The following PTPRE variants were observed in gnomAD, a reference collection of about 807,000 sequenced individuals.
PTPRE encodes protein tyrosine phosphatase receptor type E.
Under a neutral mutation model 102.0 loss-of-function variants are expected in PTPRE, and 51 were observed. That is an observed-to-expected ratio of 0.50 (90% CI 0.40 to 0.63). The LOEUF (loss-of-function observed/expected upper bound fraction) is 0.63, where lower values mean the gene tolerates loss of function less well. Ranked by LOEUF, PTPRE falls within the 30% of genes least tolerant of loss-of-function variation. The probability of loss-of-function intolerance (pLI) is 0.00; values close to 1 mark genes in which losing one functional copy is unlikely to be tolerated. For synonymous variants in PTPRE, 345 were observed against 348.2 expected, an observed-to-expected ratio of 0.99 and a Z score of 0.10; for missense variants, 752 against 915.1, an observed-to-expected ratio of 0.82 and a Z score of 2.30.
In PTPRE at chr10:128,029,738, C is replaced by T. The variant is rs1846569198; in HGVS notation, c.-7-11137C>T. Among the ~76,000 whole-genome samples the T allele has an allele frequency of 2.0e-5, 3 of 152,232 alleles. No individual in the cohort carries two copies. In the South Asian group the frequency reaches 6.2e-4, roughly 31 times the overall value. On this transcript the variant is annotated intron_variant, in intron 2 of 20. Coordinates refer to ENST00000254667, the MANE Select transcript of PTPRE (RefSeq NM_006504.6). ...AGGATGAAGAAAAGACGGCATGTGT[C>T]CAAGTTGAGCTGAGACGGACTGTAA...
At chr10:127,972,676 A>G (rs184934162) in intron 1 of PTPRE, among the ~76,000 whole-genome samples, 1 of 152,350 alleles carries the variant, frequency 6.6e-6, no homozygotes, top group Admixed American at 6.5e-5. Context: ...TGTAGTGGCC[A>G]TTGAAGCACA....
At chr10:127,923,970 A>G (rs1046120498) in intron 1 of PTPRE, among the ~76,000 whole-genome samples, 8 of 152,154 alleles carry the variant, frequency 5.3e-5, no homozygotes, top group Non-Finnish European at 1.0e-4. Context: ...AAGCTGGAAA[A>G]TATCCATGAT....
At chr10:128,005,375 C>G (rs1040002883) in intron 2 of PTPRE, among the ~76,000 whole-genome samples, 4 of 152,208 alleles carry the variant, frequency 2.6e-5, no homozygotes, top group African/African-American at 9.6e-5. Flanking sequence ...GGCCTTAACA[C>G]CCATTCAATC....
chr10:128,020,565 T>G (rs1457007676), intron 2 of PTPRE, among the ~76,000 whole-genome samples: 1 of 152,214 alleles, frequency 6.6e-6, no homozygotes, highest in East Asian at 1.9e-4. Context: ...TGGTTTATAT[T>G]TTTTAAAAAG....
At chr10:128,054,787 G>T (rs1278893637) in intron 6 of PTPRE, among the ~76,000 whole-genome samples, 1 of 152,122 alleles carries the variant, frequency 6.6e-6, no homozygotes, top group Non-Finnish European at 1.5e-5. Flanking sequence ...GGCAGGTCAG[G>T]CTGTGCTCTG....
intron 2 of PTPRE, among the ~76,000 whole-genome samples, chr10:128,002,766 G>A (rs538274866): frequency 1.6e-5 from 2 of 127,270 alleles, no homozygotes; most frequent in South Asian, 5.0e-4. Context: ...GCAGTGGTGC[G>A]ATCACGGCTC....
intron 3 of PTPRE, among the ~76,000 whole-genome samples, chr10:128,044,276 C>T (rs1487309696): frequency 3.9e-5 from 6 of 152,156 alleles, no homozygotes; most frequent in East Asian, 1.9e-4. Context: ...GGACTTGCTC[C>T]GCCTCTAGGG....
chr10:128,027,414 A>G (rs905059997), intron 2 of PTPRE, among the ~76,000 whole-genome samples: 13 of 152,172 alleles, frequency 8.5e-5, no homozygotes, highest in African/African-American at 3.1e-4. Flanking sequence ...ACCCCACAGG[A>G]GGCAAGTCAA....
At chr10:127,987,055 T>C (rs1454470406) in intron 2 of PTPRE, among the ~76,000 whole-genome samples, 1 of 152,228 alleles carries the variant, frequency 6.6e-6, no homozygotes, top group Non-Finnish European at 1.5e-5. Flanking sequence ...AGAATGCCTT[T>C]GGATCTGACA....
At chr10:127,947,810 T>C (rs10734118) in intron 1 of PTPRE, among the ~76,000 whole-genome samples, 152,328 of 152,328 alleles carry the variant, frequency 1, 76,164 homozygotes, top group Non-Finnish European at 1. Flanking sequence ...TGACATTGTC[T>C]TGGACCTGTG....
At chr10:128,067,061 T>TGCACAC (rs1318865540) in intron 11 of PTPRE, among the ~76,000 whole-genome samples, 1 of 138,740 alleles carries the variant, frequency 7.2e-6, no homozygotes, top group Non-Finnish European at 1.5e-5. Flanking sequence ...TGCATGCACA[T>TGCACAC]GCACACGTAC....
At chr10:128,056,008 C>T in intron 6 of PTPRE, 115 bp from the exon 7 acceptor site, 1 of 775,502 alleles carries the variant, frequency 1.3e-6, no homozygotes, top group Non-Finnish European at 2.2e-6. Flanking sequence ...GGACTATGGA[C>T]AGCAGGTAGT....
rs1352069715 is a variant in PTPRE, at chr10:128,083,941, G to C, written c.*1035G>C. The C allele has an allele frequency of 6.6e-6, 1 of 152,152 alleles. No homozygotes were observed. The highest frequency in any genetic ancestry group is 1.5e-5 in the Non-Finnish European group (1 of 68,016). The allele number at this position is 152,152 out of a possible 1,614,324, so 9.4% of individuals were successfully genotyped here. ...GGTATTTAAACATTTCTTGTAAAAA[G>C]CTGAGACAGTTTGTAAGAAAAGAAT... On this transcript the variant is annotated 3_prime_UTR_variant, in exon 21 of 21. Transcript: ENST00000254667.
chr10:127,918,765 G>C (rs762102946), intron 1 of PTPRE, among the ~76,000 whole-genome samples: 9 of 151,992 alleles, frequency 5.9e-5, no homozygotes, highest in Non-Finnish European at 1.0e-4. Flanking sequence ...ATGACAGCAA[G>C]AGCAAAGGCA....
intron 8 of PTPRE, 113 bp downstream of exon 8, chr10:128,061,128 C>A: frequency 1.9e-6 from 2 of 1,035,430 alleles, no homozygotes; most frequent in Non-Finnish European, 1.5e-6. Flanking sequence ...GGCAGTTTGG[C>A]CACAAGCACA....
chr10:127,969,821 T>C (rs1048533235), intron 1 of PTPRE, among the ~76,000 whole-genome samples: 1 of 152,110 alleles, frequency 6.6e-6, no homozygotes. Context: ...GAACTCTGTG[T>C]GAGATGCTGG....
In PTPRE at chr10:128,004,264, G is replaced by A. The variant is rs563372326; in HGVS notation, c.-8+21968G>A. Among the ~76,000 whole-genome samples, 413 of 151,430 alleles carry A rather than the reference G, an allele frequency of 2.7e-3. 1 individual carries two copies. Among genetic ancestry groups the A allele is most frequent in the African/African-American group, 9.8e-3 (404 of 41,248 alleles). ...CCAAAGCGCAGTACATGTTGGTCCTGGGGTGATTTATCTTTATTGAGGTAA... is the reference window on the plus strand; with the variant it reads ...CCAAAGCGCAGTACATGTTGGTCCTAGGGTGATTTATCTTTATTGAGGTAA... On this transcript the variant is annotated intron_variant, in intron 2 of 20. Transcript: ENST00000254667.
chr10:128,074,279 A>G (rs1851036429), intron 17 of PTPRE, among the ~76,000 whole-genome samples: 2 of 152,244 alleles, frequency 1.3e-5, no homozygotes, highest in Admixed American at 1.3e-4. Context: ...TTTACTGGCA[A>G]ATAGTATTTG....
In PTPRE at chr10:128,056,212, C is replaced by T. The variant is rs1229740776; in HGVS notation, c.510C>T (p.Pro170=). 1 of 1,598,546 alleles carries T rather than the reference C, an allele frequency of 6.3e-7. No homozygotes were observed. The highest frequency in any genetic ancestry group is 1.3e-5 in the African/African-American group (1 of 74,540). The part of the protein sequence containing the change: ...REKNRYPNIL[P]NDHSRVILSQ... ...AAAACAGATATCCCAACATCCTTCC[C>T]AGTAAGATTTTATTTTATGTTTTGC... Residue 170 remains proline, a splice_region_variant and synonymous_variant, in exon 7 of 21, where the codon CCC becomes CCT. Transcript: ENST00000254667.
Sources: gnomAD v4.1 joint callset for allele counts (sites outside exome capture counted in the v4.1 genomes callset) on GRCh38, gnomAD v4.1.1 for gene constraint, MANE v1.5 for transcripts, NCBI Gene and HGNC (gene_info 2026-07-23, HGNC 2026-07-21) for gene names.